The following IGF1R variants were observed in gnomAD, a reference collection of about 807,000 sequenced individuals.
IGF1R encodes the protein insulin like growth factor 1 receptor.
In IGF1R, 44 loss-of-function variants were observed where a neutral mutation model predicts 144.6. The ratio of observed to expected loss-of-function variants is 0.30; its 90% CI spans 0.24 to 0.39. The LOEUF (loss-of-function observed/expected upper bound fraction) is 0.39, where lower values mean the gene tolerates loss of function less well. Ranked by LOEUF, IGF1R falls within the 10% of genes least tolerant of loss-of-function variation. IGF1R has a pLI of 1.00. For missense variants in IGF1R, 1,355 were observed against 1,833.7 expected, an observed-to-expected ratio of 0.74 and a Z score of 4.77; for synonymous variants, 795 against 722.8, an observed-to-expected ratio of 1.10 and a Z score of -1.60.
intron 2 of IGF1R, among the ~76,000 whole-genome samples, chr15:98,819,684 A>G (rs545401431): frequency 6.6e-5 from 10 of 152,222 alleles, no homozygotes; most frequent in Non-Finnish European, 1.3e-4. Context: ...GGTTGTATCC[A>G]TTGATACTTG....
chr15:98,801,897 T>G (rs1362135525), intron 2 of IGF1R, among the ~76,000 whole-genome samples: 1 of 152,122 alleles, frequency 6.6e-6, no homozygotes, highest in African/African-American at 2.4e-5. Context: ...GCATCTTACT[T>G]TTGCTGTCCG....
At chr15:98,932,155 A>G (rs1050101557) in intron 15 of IGF1R, among the ~76,000 whole-genome samples, 1 of 152,224 alleles carries the variant, frequency 6.6e-6, no homozygotes, top group Non-Finnish European at 1.5e-5. Context: ...GTGTCCTTCT[A>G]GAATGCTTTC....
chr15:98,873,994 G>A (rs45619436), intron 2 of IGF1R: 3 of 152,150 alleles, frequency 2.0e-5, no homozygotes, highest in Non-Finnish European at 2.9e-5. Flanking sequence ...CAGATATTTC[G>A]AGCATGACTG....
At position 98,916,261 on chromosome 15, in the gene IGF1R, G is replaced by GTC. The variant is rs1555460785; in HGVS notation, c.1996+131_1996+132insCT. The GTC allele has an allele frequency of 1.3e-5, 7 of 556,018 alleles. No individual in the cohort carries two copies. In the African/African-American group the frequency reaches 1.5e-4, roughly 12 times the overall value. 34.4% of individuals were successfully genotyped at this position (556,018 alleles called of 1,614,324 possible). A position where few individuals can be genotyped will look rare whatever the true frequency, so the allele number is the denominator to read the frequency against. On this transcript the variant is annotated intron_variant, in intron 9 of 20. Coordinates refer to ENST00000650285, the MANE Select transcript of IGF1R (RefSeq NM_000875.5). ...TCCATTGGAAACCAGCTATCTTCTG[G>GTC]TTTTTTTTTTTTTTTTTTGAGACAG...
intron 1 of IGF1R, among the ~76,000 whole-genome samples, chr15:98,691,736 T>C (rs566858524): frequency 6.6e-6 from 1 of 152,300 alleles, no homozygotes; most frequent in East Asian, 1.9e-4. Flanking sequence ...TGCCCTCCCT[T>C]CAGTGATTTG....
chr15:98,874,343 G>T (rs1277049219), intron 2 of IGF1R, among the ~76,000 whole-genome samples: 1 of 152,168 alleles, frequency 6.6e-6, no homozygotes, highest in Non-Finnish European at 1.5e-5. Flanking sequence ...AGTCTGTTTG[G>T]CAGGGTGGGA....
chr15:98,795,361 C>T (rs1025821663), intron 2 of IGF1R, among the ~76,000 whole-genome samples: 1 of 152,052 alleles, frequency 6.6e-6, no homozygotes, highest in African/African-American at 2.4e-5. Flanking sequence ...CTTAAAAATA[C>T]ACAAATGATT....
chr15:98,939,148 A>G (rs1391028191), intron 17 of IGF1R, 53 bp from the exon 18 acceptor site: 3 of 1,506,376 alleles, frequency 2.0e-6, no homozygotes, highest in Admixed American at 3.3e-5. Flanking sequence ...AGAAATTGGC[A>G]TGGAAAAAAA....
At chr15:98,817,482 G>A (rs899233896) in intron 2 of IGF1R, among the ~76,000 whole-genome samples, 3 of 152,062 alleles carry the variant, frequency 2.0e-5, no homozygotes, top group Admixed American at 2.0e-4. Context: ...GTGGTTGAGG[G>A]GTGCTGTATT....
intron 20 of IGF1R, chr15:98,954,288 T>G (rs933170981): frequency 6.6e-6 from 1 of 152,082 alleles, no homozygotes; most frequent in Non-Finnish European, 1.5e-5. Context: ...GGGCAGGAAT[T>G]CCATTTGAGT....
At chr15:98,697,389 C>A (rs568081010) in intron 1 of IGF1R, among the ~76,000 whole-genome samples, 1 of 152,222 alleles carries the variant, frequency 6.6e-6, no homozygotes, top group African/African-American at 2.4e-5. Flanking sequence ...TCCGCCACCT[C>A]TGCCTGCTTG....
intron 8 of IGF1R, among the ~76,000 whole-genome samples, chr15:98,915,618 TG>T (rs1164653045): frequency 6.6e-6 from 1 of 152,252 alleles, no homozygotes. Context: ...CTGTGGAGAA[TG>T]GCAGTTGTAA....
intron 2 of IGF1R, among the ~76,000 whole-genome samples, chr15:98,865,939 T>C (rs1025914121): frequency 6.6e-6 from 1 of 152,036 alleles, no homozygotes; most frequent in African/African-American, 2.4e-5. Context: ...GGCTCCCACC[T>C]CCCGCTCTGG....
chr15:98,687,263 A>C (rs1454476644), intron 1 of IGF1R, among the ~76,000 whole-genome samples: 1 of 152,076 alleles, frequency 6.6e-6, no homozygotes, highest in Admixed American at 6.5e-5. Flanking sequence ...AACTTAAGAG[A>C]AATGAGTGCA....
At chr15:98,905,551 C>G (rs1214066592) in intron 5 of IGF1R, among the ~76,000 whole-genome samples, 1 of 151,412 alleles carries the variant, frequency 6.6e-6, no homozygotes, top group African/African-American at 2.4e-5. Flanking sequence ...ATGGTCCCAG[C>G]TACTTGGGAG....
intron 2 of IGF1R, among the ~76,000 whole-genome samples, chr15:98,834,804 A>C (rs1473471760): frequency 6.6e-6 from 1 of 152,178 alleles, no homozygotes; most frequent in Non-Finnish European, 1.5e-5. Flanking sequence ...GGGCATCCTT[A>C]TAAACGAGCA....
At chr15:98,771,931 A>T (rs2141373301) in intron 2 of IGF1R, among the ~76,000 whole-genome samples, 1 of 151,450 alleles carries the variant, frequency 6.6e-6, no homozygotes, top group African/African-American at 2.4e-5. Context: ...ATAGGTAGGG[A>T]GGCATTTAAT....
chr15:98,653,545 C>T (rs2052418797), intron 1 of IGF1R, among the ~76,000 whole-genome samples: 1 of 152,088 alleles, frequency 6.6e-6, no homozygotes, highest in African/African-American at 2.4e-5. Context: ...CTTTAGGATG[C>T]AGTAGTTTTA....
chr15:98,696,903 G>A (rs946976351), intron 1 of IGF1R, among the ~76,000 whole-genome samples: 7 of 152,218 alleles, frequency 4.6e-5, no homozygotes, highest in Non-Finnish European at 5.9e-5. Flanking sequence ...CCTAAATGCC[G>A]AGGGTACCTG....
Sources: allele counts gnomAD v4.1 joint callset (sites outside exome capture counted in the v4.1 genomes callset), GRCh38; gene constraint gnomAD v4.1.1; transcripts MANE v1.5; gene names NCBI Gene and HGNC (gene_info 2026-07-23, HGNC 2026-07-21).